The following VOPP1 variants were observed in gnomAD, a reference collection of about 807,000 sequenced individuals.
The protein encoded by VOPP1 is WW domain binding protein VOPP1.
In VOPP1, 8 loss-of-function variants were observed where a neutral mutation model predicts 23.5. The ratio of observed to expected loss-of-function variants is 0.34; its 90% CI spans 0.20 to 0.61. VOPP1 has a LOEUF of 0.61. Ranked by LOEUF, VOPP1 falls within the 20% of genes least tolerant of loss-of-function variation. The probability of loss-of-function intolerance (pLI) is 0.78; values close to 1 mark genes in which losing one functional copy is unlikely to be tolerated. For synonymous variants in VOPP1, 83 were observed against 97.3 expected (o/e 0.85, Z 0.86); for missense variants, 174 against 238.1 (o/e 0.73, Z 1.77).
At chr7:55,552,824 C>G in intron 1 of VOPP1, 1 of 1,453,288 alleles carries the variant, frequency 6.9e-7, no homozygotes, top group Admixed American at 2.5e-5. Flanking sequence ...CTCAGCCATG[C>G]TCAACCCAGA....
chr7:55,544,574 C>T (rs551720173), intron 1 of VOPP1, among the ~76,000 whole-genome samples: 1 of 152,212 alleles, frequency 6.6e-6, no homozygotes, highest in East Asian at 1.9e-4. Flanking sequence ...TTGGGTCTTC[C>T]CAAAAAGAAC....
At chr7:55,467,918 T>C (rs1791672276), downstream of VOPP1, among the ~76,000 whole-genome samples, 1 of 152,206 alleles carries the variant, frequency 6.6e-6, no homozygotes, top group South Asian at 2.1e-4. Flanking sequence ...GCTAAACTGG[T>C]ATTTTCTTTT....
At chr7:55,446,041 G>A (rs1791093179) in intron 4 of VOPP1, among the ~76,000 whole-genome samples, 1 of 144,480 alleles carries the variant, frequency 6.9e-6, no homozygotes, top group Non-Finnish European at 1.5e-5. Flanking sequence ...CGCCCAGCCT[G>A]GAGTGCAGTG....
chr7:55,548,402 G>A (rs148676731), intron 1 of VOPP1, among the ~76,000 whole-genome samples: 25 of 152,316 alleles, frequency 1.6e-4, no homozygotes, highest in African/African-American at 5.5e-4. Flanking sequence ...CAGAGGCTCC[G>A]CCCTCTGCCC....
At chr7:55,541,996 T>C (rs1341096283) in intron 1 of VOPP1, among the ~76,000 whole-genome samples, 1 of 152,170 alleles carries the variant, frequency 6.6e-6, no homozygotes, top group Non-Finnish European at 1.5e-5. Flanking sequence ...TGATGATGGA[T>C]GAAAAACCCT....
At chr7:55,510,670 G>C (rs1359022188) in intron 2 of VOPP1, among the ~76,000 whole-genome samples, 1 of 150,486 alleles carries the variant, frequency 6.6e-6, no homozygotes, top group Non-Finnish European at 1.5e-5. Flanking sequence ...GACCTGGCCT[G>C]CCACAATGCT....
chr7:55,527,465 G>A (rs372714441), intron 1 of VOPP1, among the ~76,000 whole-genome samples: 3 of 152,148 alleles, frequency 2.0e-5, no homozygotes, highest in East Asian at 1.9e-4. Context: ...GATGAGATCC[G>A]GGGATGCAGG....
At chr7:55,489,552 G>A (rs750446342) in intron 4 of VOPP1, among the ~76,000 whole-genome samples, 3 of 152,156 alleles carry the variant, frequency 2.0e-5, no homozygotes, top group East Asian at 3.9e-4. Flanking sequence ...AAGCTCACAC[G>A]GGTGCTGGAG....
chr7:55,538,553 G>A, intron 1 of VOPP1: 2 of 1,458,696 alleles, frequency 1.4e-6, no homozygotes, highest in Non-Finnish European at 1.9e-6. Flanking sequence ...TCCAACTGAG[G>A]ATCACTGTAA....
Position 55,561,865 on chromosome 7 carries a change from A to G in VOPP1, c.54+10406T>C. On this transcript the variant is annotated intron_variant, in intron 1 of 4. Transcript: ENST00000285279. Reference sequence around the variant, plus strand: ...GACTTAACTCATACCCAAGTGGACAATGAGAGTAGCCTTCCATGACACCAC... The same window carrying G: ...GACTTAACTCATACCCAAGTGGACAGTGAGAGTAGCCTTCCATGACACCAC... 8.7e-6 allele frequency: 6 copies of G among 686,096 alleles called. No individual in the cohort carries two copies. In the Admixed American group the frequency reaches 1.0e-4, roughly 12 times the overall value. The allele number at this position is 686,096 out of a possible 1,614,324, so 42.5% of individuals were successfully genotyped here.
rs149522345 is a variant in VOPP1, at chr7:55,456,252, C to G, written n.418-20078G>C. On this transcript the variant is annotated intron_variant and non_coding_transcript_variant, in intron 4 of 4. Coordinates refer to the VOPP1 transcript ENST00000462326. The stretch of plus-strand genomic sequence containing the variant: ...GCAAATCAAAACCACATTGAGAAAC[C>G]AACTCGTGCCAGTTAGAATGGTGAT... Among the ~76,000 whole-genome samples, 923 of 152,264 alleles carry G rather than the reference C, an allele frequency of 6.1e-3. 14 individuals carry two copies. The highest frequency in any genetic ancestry group is 0.049 in the East Asian group (255 of 5,184).
At chr7:55,556,776 A>G (rs1797823413) in intron 1 of VOPP1, among the ~76,000 whole-genome samples, 1 of 152,156 alleles carries the variant, frequency 6.6e-6, no homozygotes, top group South Asian at 2.1e-4. Context: ...AAGGGAAACC[A>G]TGTCAGGGTC....
At position 55,489,095 on chromosome 7, in the gene VOPP1, C is replaced by A. The variant is rs555698432; in HGVS notation, c.328+3187G>T. 2.6e-5 allele frequency among the ~76,000 whole-genome samples: 4 copies of A among 152,308 alleles called. No homozygotes were observed. The South Asian group carries it at 8.3e-4, about 32-fold the overall frequency. ...CCAACAGCAGACAGGACCCTGCAGA[C>A]CCCATTCTTTTGTTCACTATTACTC... On this transcript the variant is annotated intron_variant, in intron 4 of 4. Transcript: ENST00000285279.
chr7:55,532,413 A>T (rs1042089456), intron 1 of VOPP1, among the ~76,000 whole-genome samples: 1 of 151,928 alleles, frequency 6.6e-6, no homozygotes, highest in Admixed American at 6.5e-5. Context: ...CATGCCCACT[A>T]TTCTAAGAGC....
At chr7:55,550,667 AT>A (rs1797567493) in intron 1 of VOPP1, among the ~76,000 whole-genome samples, 1 of 152,004 alleles carries the variant, frequency 6.6e-6, no homozygotes, top group Non-Finnish European at 1.5e-5. Flanking sequence ...CATTAGCCCT[AT>A]CGCGAAGGAT....
chr7:55,444,190 G>C (rs1791039756), intron 4 of VOPP1, among the ~76,000 whole-genome samples: 1 of 152,290 alleles, frequency 6.6e-6, no homozygotes, highest in Non-Finnish European at 1.5e-5. Context: ...TGGTTTGGAG[G>C]CTTGTCCCAT....
At chr7:55,549,915 A>G (rs915976097) in intron 1 of VOPP1, among the ~76,000 whole-genome samples, 11 of 151,764 alleles carry the variant, frequency 7.2e-5, no homozygotes, top group African/African-American at 2.7e-4. Context: ...ACTTTTTCCC[A>G]CCCCCATCCC....
chr7:55,488,258 G>T (rs1238169465), intron 4 of VOPP1, among the ~76,000 whole-genome samples: 1 of 152,122 alleles, frequency 6.6e-6, no homozygotes, highest in Non-Finnish European at 1.5e-5. Context: ...GTTTAGAAGG[G>T]ACCGTGGCCT....
chr7:55,558,400 T>A (rs879507105), intron 1 of VOPP1, among the ~76,000 whole-genome samples: 2 of 152,178 alleles, frequency 1.3e-5, no homozygotes, highest in East Asian at 1.9e-4. Flanking sequence ...AGAAAAAGAA[T>A]ATCCTTCATA....
Sources: gnomAD v4.1 joint callset for allele counts (sites outside exome capture counted in the v4.1 genomes callset) on GRCh38, gnomAD v4.1.1 for gene constraint, MANE v1.5 for transcripts, NCBI Gene and HGNC (gene_info 2026-07-23, HGNC 2026-07-21) for gene names.